Variants in NAPB observed in about 807,000 individuals in gnomAD.
NAPB encodes NSF attachment protein beta.
In NAPB, 26 loss-of-function variants were observed where a neutral mutation model predicts 44.7. That is an observed-to-expected ratio of 0.58 (90% CI 0.43 to 0.81). The LOEUF (loss-of-function observed/expected upper bound fraction) is 0.81, where lower values mean the gene tolerates loss of function less well. NAPB is among the 30% of genes least tolerant of loss of function. The pLI is 0.00. For missense variants in NAPB, 315 were observed against 356.4 expected (o/e 0.88, Z 0.94); for synonymous variants, 120 against 116.8 (o/e 1.03, Z -0.18).
intron 1 of NAPB, among the ~76,000 whole-genome samples, chr20:23,413,463 G>GA (rs1985794087): frequency 2.0e-5 from 3 of 151,890 alleles, no homozygotes; most frequent in African/African-American, 7.3e-5. Context: ...CACCTCCCTA[G>GA]AAAAATGAAC....
chr20:23,391,420 G>A (rs547024945), intron 5 of NAPB, among the ~76,000 whole-genome samples: 4 of 152,324 alleles, frequency 2.6e-5, no homozygotes, highest in East Asian at 3.9e-4. Flanking sequence ...GCACAGTTTT[G>A]TAAGAGCTGA....
rs117688415 is a variant in NAPB at position 23,384,577 on chromosome 20, G to A, written c.562-3260C>T. On this transcript the variant is annotated intron_variant, in intron 7 of 10. Transcript: ENST00000377026. ...GTGGAGGCTGCAGTGAGCCAGGGTC[G>A]CACCATTTCCCTCCAGCCTGGGTGA... Among the ~76,000 whole-genome samples, 935 of 151,286 alleles carry A rather than the reference G, an allele frequency of 6.2e-3. 22 individuals are homozygous for A. The East Asian group carries it at 0.094, about 15-fold the overall frequency.
intron 1 of NAPB, among the ~76,000 whole-genome samples, chr20:23,420,007 T>C (rs989233263): frequency 1.2e-4 from 18 of 148,284 alleles, no homozygotes; most frequent in Admixed American, 4.6e-4. Context: ...GAACTGAATG[T>C]GTACAGAAAT....
rs147683615 is a variant in NAPB at position 23,391,310 on chromosome 20, T to TCAAA, written c.421-1050_421-1047dup. On this transcript the variant is annotated intron_variant, in intron 5 of 10. Transcript: ENST00000377026. ...TGGGTGACAAGAGTGAAACTCTGTC[T>TCAAA]CAAACAAACAAACAAACAAAAAAAT... 2.5e-4 allele frequency among the ~76,000 whole-genome samples: 38 copies of TCAAA among 152,156 alleles called. 1 individual carries two copies. Among genetic ancestry groups the TCAAA allele is most frequent in the Admixed American group, 2.2e-3 (34 of 15,276 alleles).
rs377372587 is a variant in NAPB at position 23,397,621 on chromosome 20, C to T, written c.179-433G>A. Among the ~76,000 whole-genome samples, 4 of 152,280 alleles carry T rather than the reference C, an allele frequency of 2.6e-5. No homozygotes were observed. In the East Asian group the frequency reaches 5.8e-4, roughly 22 times the overall value. ...CTTAGTGTCTCCTACACTTAGCTGTCGGTGTGGAAGAAACTGCTAATGAAG... is the reference window on the plus strand; with the variant it reads ...CTTAGTGTCTCCTACACTTAGCTGTTGGTGTGGAAGAAACTGCTAATGAAG... On this transcript the variant is annotated intron_variant, in intron 2 of 10. Transcript: ENST00000377026.
intron 6 of NAPB, 24 bp downstream of exon 6, chr20:23,390,182 AATC>A (rs1983845778): frequency 6.3e-7 from 1 of 1,577,654 alleles, no homozygotes; most frequent in South Asian, 1.1e-5. Context: ...AAACCCATTA[AATC>A]ATATTAAGAA....
intron 1 of NAPB, among the ~76,000 whole-genome samples, chr20:23,406,146 C>T (rs955528254): frequency 2.6e-5 from 4 of 152,176 alleles, no homozygotes; most frequent in East Asian, 3.9e-4. Flanking sequence ...AGATACCAGA[C>T]GCTGGTGCCT....
intron 1 of NAPB, among the ~76,000 whole-genome samples, chr20:23,413,935 T>C (rs965353062): frequency 6.6e-6 from 1 of 152,082 alleles, no homozygotes; most frequent in East Asian, 1.9e-4. Flanking sequence ...ACATTATTTT[T>C]AGGAGGCACC....
Position 23,381,224 on chromosome 20 carries a change from A to G in NAPB, c.655T>C (p.Leu219=), listed in dbSNP as rs370685564. The G allele has an allele frequency of 4.3e-5, 69 of 1,612,592 alleles. No homozygotes were observed. Among genetic ancestry groups the G allele is most frequent in the East Asian group, 2.0e-4 (9 of 44,852 alleles). The change falls in exon 8 of 11, where the codon TTG becomes CTG. Residue 219 remains leucine (L), a synonymous_variant. Coordinates refer to ENST00000377026, the MANE Select transcript of NAPB (RefSeq NM_022080.3). Reference sequence around the variant, plus strand: ...GAAGAACTCCTTACCTTGGCATTCAACTCGTCTACTATGAAGTGGCAGAGG... The same window carrying G: ...GAAGAACTCCTTACCTTGGCATTCAGCTCGTCTACTATGAAGTGGCAGAGG... ...AALCHFIVDE[L]NAKLALEKYE... is the part of the protein sequence containing the mutation.
intron 5 of NAPB, among the ~76,000 whole-genome samples, chr20:23,394,459 C>A (rs779726517): frequency 1.3e-5 from 2 of 152,106 alleles, no homozygotes; most frequent in Non-Finnish European, 2.9e-5. Context: ...GACTGCTGGA[C>A]AAAGTGGAGA....
intron 1 of NAPB, among the ~76,000 whole-genome samples, chr20:23,411,990 G>A (rs1468968122): frequency 6.6e-6 from 1 of 152,090 alleles, no homozygotes; most frequent in East Asian, 1.9e-4. Context: ...TACCTATTCC[G>A]AAAGGCTTAA....
rs1481978717 is a variant in NAPB, at chr20:23,421,407, C to A, written c.-5G>T. The A allele has an allele frequency of 3.2e-6, 5 of 1,542,956 alleles. No individual in the cohort carries two copies. Among genetic ancestry groups the A allele is most frequent in the Admixed American group, 3.9e-5 (2 of 50,708 alleles). On this transcript the variant is annotated 5_prime_UTR_variant, in exon 1 of 11. Transcript: ENST00000377026. The stretch of plus-strand genomic sequence containing the variant: ...CTCCTTCCCCGCGTTGTCCATGTCG[C>A]CCGCCGCGGCCGCCACAGCCCCCTC...
intron 1 of NAPB, among the ~76,000 whole-genome samples, chr20:23,419,209 C>T (rs1035699135): frequency 2.0e-5 from 3 of 152,200 alleles, no homozygotes; most frequent in Non-Finnish European, 2.9e-5. Context: ...GGCTAAGTAA[C>T]TTGCCCTAGG....
chr20:23,392,439 G>A (rs1401782549), intron 5 of NAPB, among the ~76,000 whole-genome samples: 1 of 152,238 alleles, frequency 6.6e-6, no homozygotes, highest in Non-Finnish European at 1.5e-5. Context: ...GCCAAGATGG[G>A]AGGACTGCTT....
chr20:23,399,414 G>C (rs760300530), intron 2 of NAPB, among the ~76,000 whole-genome samples: 1 of 152,196 alleles, frequency 6.6e-6, no homozygotes, highest in Non-Finnish European at 1.5e-5. Flanking sequence ...TGAGGACATA[G>C]CAAGAAGGCG....
chr20:23,396,929 T>C (rs1984410841), intron 3 of NAPB, 143 bp downstream of exon 3: 1 of 834,816 alleles, frequency 1.2e-6, no homozygotes, highest in Non-Finnish European at 1.7e-6. Flanking sequence ...CCTAAGGTTA[T>C]CAAAATTCTC....
At chr20:23,408,368 C>T (rs187825215) in intron 1 of NAPB, among the ~76,000 whole-genome samples, 122 of 152,320 alleles carry the variant, frequency 8.0e-4, no homozygotes, top group Admixed American at 3.0e-3. Context: ...AAGGCTGATG[C>T]TTAGTGTCTG....
chr20:23,396,621 T>C (rs373429546), intron 3 of NAPB: 11 of 152,334 alleles, frequency 7.2e-5, no homozygotes, highest in African/African-American at 2.4e-4. Flanking sequence ...AAATGAATAC[T>C]GTATGAATCA....
intron 7 of NAPB, among the ~76,000 whole-genome samples, chr20:23,388,033 C>T (rs982200961): frequency 6.6e-6 from 1 of 152,188 alleles, no homozygotes; most frequent in East Asian, 1.9e-4. Flanking sequence ...ATTCTCAATG[C>T]CTGTCTTAGA....
Sources: allele counts gnomAD v4.1 joint callset (sites outside exome capture counted in the v4.1 genomes callset), GRCh38; gene constraint gnomAD v4.1.1; transcripts MANE v1.5; gene names NCBI Gene and HGNC (gene_info 2026-07-23, HGNC 2026-07-21).